SLC44A5: variants seen among roughly 807,000 people sequenced by gnomAD.
SLC44A5 encodes choline transporter-like protein 5.
A neutral mutation model predicts 101.8 loss-of-function variants in SLC44A5; 57 were observed. The ratio of observed to expected loss-of-function variants is 0.56; its 90% CI spans 0.45 to 0.70. The LOEUF is 0.70. Among genes scored for constraint, SLC44A5 ranks in the 30% least tolerant of loss-of-function variants. SLC44A5 has a pLI of 0.00. For missense variants in SLC44A5, 737 were observed against 853.1 expected, an observed-to-expected ratio of 0.86 and a Z score of 1.70; for synonymous variants, 281 against 290.9, an observed-to-expected ratio of 0.97 and a Z score of 0.35.
intron 2 of SLC44A5, among the ~76,000 whole-genome samples, chr1:75,504,908 T>C (rs1669162250): frequency 6.6e-6 from 1 of 152,154 alleles, no homozygotes; most frequent in Non-Finnish European, 1.5e-5. Context: ...GTATATTGCA[T>C]GATACTCATG....
chr1:75,376,196 A>G (rs1319800307), intron 3 of SLC44A5, among the ~76,000 whole-genome samples: 1 of 152,238 alleles, frequency 6.6e-6, no homozygotes, highest in African/African-American at 2.4e-5. Flanking sequence ...ACGCCCATGG[A>G]GTCTCGCTGA....
the SLC44A5 span, among the ~76,000 whole-genome samples, chr1:75,659,294 AT>A: frequency 6.8e-6 from 1 of 146,988 alleles, no homozygotes; most frequent in East Asian, 2.1e-4. Flanking sequence ...CCAAACAAAG[AT>A]TTTTTTAAAA....
intron 2 of SLC44A5, among the ~76,000 whole-genome samples, chr1:75,510,909 G>A (rs149296811): frequency 5.3e-5 from 8 of 152,294 alleles, no homozygotes; most frequent in East Asian, 1.9e-4. Flanking sequence ...TTGGGAGGCC[G>A]AGGCAGGTGG....
chr1:75,612,002 T>C (rs547931324), upstream of SLC44A5, among the ~76,000 whole-genome samples: 1 of 152,280 alleles, frequency 6.6e-6, no homozygotes, highest in African/African-American at 2.4e-5. Context: ...GCCAGGGAAG[T>C]GACTAATCTT....
chr1:75,214,097 A>C, intron 20 of SLC44A5, 108 bp from the exon 21 acceptor site: 1 of 717,406 alleles, frequency 1.4e-6, no homozygotes, highest in Non-Finnish European at 2.4e-6. Context: ...GTCTTTGCTG[A>C]AATTGTATTT....
At chr1:75,547,612 G>A (rs1387643588) in intron 1 of SLC44A5, among the ~76,000 whole-genome samples, 1 of 152,188 alleles carries the variant, frequency 6.6e-6, no homozygotes, top group African/African-American at 2.4e-5. Flanking sequence ...TTGAGTCTTT[G>A]TTGGACCAAA....
chr1:75,543,367 G>A (rs1290877292), intron 1 of SLC44A5, among the ~76,000 whole-genome samples: 1 of 151,876 alleles, frequency 6.6e-6, no homozygotes, highest in Non-Finnish European at 1.5e-5. Flanking sequence ...TGGAAAGCTT[G>A]TGTGCCTCAT....
chr1:75,612,361 T>C (rs1675693285), upstream of SLC44A5, among the ~76,000 whole-genome samples: 1 of 152,152 alleles, frequency 6.6e-6, no homozygotes, highest in Non-Finnish European at 1.5e-5. Context: ...CCTAACTGTC[T>C]CTTCCTTACA....
At chr1:75,448,119 C>T in intron 2 of SLC44A5, among the ~76,000 whole-genome samples, 1 of 152,172 alleles carries the variant, frequency 6.6e-6, no homozygotes, top group East Asian at 1.9e-4. Flanking sequence ...TCTCCACCAT[C>T]TGAAACAATT....
At chr1:75,659,976 G>T in the SLC44A5 span, among the ~76,000 whole-genome samples, 1 of 152,288 alleles carries the variant, frequency 6.6e-6, no homozygotes, top group East Asian at 1.9e-4. Flanking sequence ...GGCCAAGGCA[G>T]GCAGATCGCT....
chr1:75,706,418 C>T, the SLC44A5 span, among the ~76,000 whole-genome samples: 1 of 152,052 alleles, frequency 6.6e-6, no homozygotes. Flanking sequence ...ATTATTTTCT[C>T]TATTTACTCT....
chr1:75,455,021 T>G (rs1420875044), intron 2 of SLC44A5, among the ~76,000 whole-genome samples: 1 of 152,030 alleles, frequency 6.6e-6, no homozygotes, highest in Non-Finnish European at 1.5e-5. Flanking sequence ...AAAAAAACTA[T>G]TCTAAAATTC....
intron 2 of SLC44A5, among the ~76,000 whole-genome samples, chr1:75,468,876 C>T (rs1197701710): frequency 1.3e-5 from 2 of 151,926 alleles, no homozygotes; most frequent in African/African-American, 4.8e-5. Flanking sequence ...ATGGATACAC[C>T]CATTTTACAT....
intron 2 of SLC44A5, among the ~76,000 whole-genome samples, chr1:75,462,035 C>CAA (rs562451469): frequency 3.7e-4 from 56 of 152,312 alleles, no homozygotes; most frequent in Non-Finnish European, 7.2e-4. Context: ...TGGCACTGAG[C>CAA]AAACATAGGC....
At chr1:75,678,966 C>A in the SLC44A5 span, among the ~76,000 whole-genome samples, 4 of 152,104 alleles carry the variant, frequency 2.6e-5, no homozygotes, top group African/African-American at 7.2e-5. Flanking sequence ...GTGAAGAATG[C>A]AGAAGCCTCA....
chr1:75,274,100 C>A (rs900722544), intron 6 of SLC44A5, among the ~76,000 whole-genome samples: 2 of 151,856 alleles, frequency 1.3e-5, no homozygotes, highest in African/African-American at 2.4e-5. Context: ...AAGTGGGCAG[C>A]ATAGACAACA....
At chr1:75,563,314 A>G (rs569886874) in intron 1 of SLC44A5, among the ~76,000 whole-genome samples, 275 of 150,964 alleles carry the variant, frequency 1.8e-3, no homozygotes, top group African/African-American at 6.2e-3. Flanking sequence ...GAAAAGTATC[A>G]GAAGATGATG....
chr1:75,211,680 A>C, intron 22 of SLC44A5, 128 bp from the exon 23 acceptor site: 2 of 603,258 alleles, frequency 3.3e-6, no homozygotes, highest in Non-Finnish European at 2.9e-6. Flanking sequence ...AGTTCAGTAT[A>C]GAGACCAAAA....
At chr1:75,344,960 C>G (rs1445784360) in intron 3 of SLC44A5, among the ~76,000 whole-genome samples, 3 of 151,422 alleles carry the variant, frequency 2.0e-5, no homozygotes, top group African/African-American at 7.3e-5. Flanking sequence ...TTCCTGTTAC[C>G]TACATTAGTG....
Sources: gnomAD v4.1 joint callset for allele counts (sites outside exome capture counted in the v4.1 genomes callset) on GRCh38, gnomAD v4.1.1 for gene constraint, MANE v1.5 for transcripts, NCBI Gene and HGNC (gene_info 2026-07-23, HGNC 2026-07-21) for gene names.